ZNF536: variants seen among roughly 807,000 people sequenced by gnomAD.
ZNF536 encodes the protein zinc finger protein 536.
In ZNF536, 13 loss-of-function variants were observed where a neutral mutation model predicts 84.5. The observed-to-expected ratio is 0.15, with a 90% confidence interval of 0.10 to 0.24. ZNF536 has a LOEUF of 0.24. Ranked by LOEUF, ZNF536 falls within the 10% of genes least tolerant of loss-of-function variation. The probability of loss-of-function intolerance (pLI) is 1.00; values close to 1 mark genes in which losing one functional copy is unlikely to be tolerated. For synonymous variants in ZNF536, 811 were observed against 742.5 expected (o/e 1.09, Z -1.50); for missense variants, 1,536 against 1,747.5 (o/e 0.88, Z 2.16).
chr19:30,545,375 T>C (rs1599754792), intron 3 of ZNF536, among the ~76,000 whole-genome samples: 1 of 128,680 alleles, frequency 7.8e-6, no homozygotes, highest in African/African-American at 3.0e-5. Context: ...TACTACCCGC[T>C]CCCATATGTC....
intron 1 of ZNF536, among the ~76,000 whole-genome samples, chr19:30,652,811 TG>T (rs1187669845): frequency 6.6e-6 from 1 of 152,148 alleles, no homozygotes. Flanking sequence ...GACCTTCACC[TG>T]GGGCGTGGGC....
chr19:30,593,909 C>T (rs1042690281), intron 1 of ZNF536, among the ~76,000 whole-genome samples: 1 of 152,154 alleles, frequency 6.6e-6, no homozygotes, highest in African/African-American at 2.4e-5. Context: ...GCCTTGTAGA[C>T]ACTGAGAAGA....
At chr19:30,581,823 A>G (rs1208415595) in intron 1 of ZNF536, among the ~76,000 whole-genome samples, 1 of 151,978 alleles carries the variant, frequency 6.6e-6, no homozygotes, top group African/African-American at 2.4e-5. Context: ...TATCCCAGCT[A>G]CTCGGGAAGC....
At position 30,238,221 on chromosome 19, in the gene ZNF536, G is replaced by A. The variant is rs144557638; in HGVS notation, c.-190+9548G>A. ...GTGGGCTTCAGTCATCTGCAGAGCC[G>A]GGTGAAGAAGTGCCATTCCTCCTTC... On this transcript the variant is annotated intron_variant, in intron 1 of 5. Coordinates refer to the ZNF536 transcript ENST00000585628. Among the ~76,000 whole-genome samples the A allele has an allele frequency of 5.9e-5, 9 of 152,300 alleles. No homozygotes were observed. In the East Asian group the frequency reaches 1.5e-3, roughly 26 times the overall value.
At chr19:30,245,646 G>A (rs561430940) in intron 1 of ZNF536, among the ~76,000 whole-genome samples, 4 of 152,214 alleles carry the variant, frequency 2.6e-5, no homozygotes, top group Non-Finnish European at 5.9e-5. Context: ...TGATGGAAGT[G>A]CAGAAAGAAG....
intron 2 of ZNF536, among the ~76,000 whole-genome samples, chr19:30,331,859 G>A (rs571206291): frequency 2.1e-4 from 32 of 152,050 alleles, no homozygotes; most frequent in Admixed American, 1.0e-3. Flanking sequence ...TTGTCTTCCC[G>A]CTGCCCTTCA....
intron 2 of ZNF536, among the ~76,000 whole-genome samples, chr19:30,341,147 A>T (rs1417923271): frequency 6.6e-6 from 1 of 152,248 alleles, no homozygotes; most frequent in East Asian, 1.9e-4. Flanking sequence ...TTTTTATAAC[A>T]TCGCTTAAGA....
chr19:30,595,699 CTT>C (rs1357063544), intron 1 of ZNF536, among the ~76,000 whole-genome samples: 3 of 152,218 alleles, frequency 2.0e-5, no homozygotes, highest in Admixed American at 6.5e-5. Flanking sequence ...CTCTCTGGCT[CTT>C]TCAAGACCCC....
At chr19:30,333,115 C>T (rs986251421) in intron 2 of ZNF536, among the ~76,000 whole-genome samples, 1 of 152,076 alleles carries the variant, frequency 6.6e-6, no homozygotes, top group Non-Finnish European at 1.5e-5. Context: ...CACGTCACTG[C>T]ACTCCAGCCT....
At chr19:30,708,179 T>G (rs1257190706) in intron 1 of ZNF536, among the ~76,000 whole-genome samples, 1 of 152,108 alleles carries the variant, frequency 6.6e-6, no homozygotes, top group East Asian at 1.9e-4. Context: ...CACGGCCTTT[T>G]TGGGAGGACC....
rs547799276 is a variant in ZNF536 at position 30,430,054 on chromosome 19, G to A, written c.-2-13507G>A. Among the ~76,000 whole-genome samples the A allele has an allele frequency of 1.8e-4, 27 of 151,996 alleles. No individual in the cohort carries two copies. The South Asian group carries it at 3.3e-3, about 19-fold the overall frequency. ...ATGGAGGGTGTGAAGGGTGGGGGAG[G>A]GGATTGGGAGTGGCTGTGTGGAAGA... On this transcript the variant is annotated intron_variant, in intron 1 of 4. Transcript: ENST00000355537.
chr19:30,412,982 TTA>T (rs2147729164), intron 1 of ZNF536, among the ~76,000 whole-genome samples: 1 of 152,252 alleles, frequency 6.6e-6, no homozygotes, highest in African/African-American at 2.4e-5. Flanking sequence ...TTCATTTATT[TTA>T]GTGTAGATTT....
chr19:30,242,242 G>A (rs2023988564), intron 1 of ZNF536, among the ~76,000 whole-genome samples: 1 of 152,132 alleles, frequency 6.6e-6, no homozygotes, highest in South Asian at 2.1e-4. Context: ...GGCCCTCAGA[G>A]AAGTGAGAAG....
chr19:30,666,179 C>T (rs1303814161), intron 1 of ZNF536, among the ~76,000 whole-genome samples: 1 of 152,200 alleles, frequency 6.6e-6, no homozygotes, highest in African/African-American at 2.4e-5. Flanking sequence ...GATCACGGCT[C>T]ACCTGGTCTC....
At chr19:30,687,829 C>T (rs1156722226) in intron 1 of ZNF536, among the ~76,000 whole-genome samples, 1 of 147,102 alleles carries the variant, frequency 6.8e-6, no homozygotes, top group Non-Finnish European at 1.5e-5. Flanking sequence ...TCATTCTGAC[C>T]TTTGGATTTT....
chr19:30,557,271 C>T lies in ZNF536; in HGVS notation c.*107C>T. 7.8e-7 allele frequency: 1 copy of T among 1,276,608 alleles called. No individual in the cohort carries two copies. The allele number at this position is 1,276,608 out of a possible 1,614,324, so 79.1% of individuals were successfully genotyped here. A position where few individuals can be genotyped will look rare whatever the true frequency, so the allele number is the denominator to read the frequency against. On this transcript the variant is annotated 3_prime_UTR_variant, in exon 5 of 5. Transcript: ENST00000355537. Reference sequence around the variant, plus strand: ...TGTAAAGTCAAGAGAAGAATGTATACACATATGTGTGTTGAATAATTACTA... The same window carrying T: ...TGTAAAGTCAAGAGAAGAATGTATATACATATGTGTGTTGAATAATTACTA...
chr19:30,706,137 T>C (rs1429120734), intron 1 of ZNF536, among the ~76,000 whole-genome samples: 7 of 152,210 alleles, frequency 4.6e-5, no homozygotes, highest in Non-Finnish European at 1.0e-4. Flanking sequence ...GGCTTCCATG[T>C]AGCATAGGAT....
intron 1 of ZNF536, among the ~76,000 whole-genome samples, chr19:30,280,859 G>A (rs530217377): frequency 2.0e-5 from 3 of 152,212 alleles, no homozygotes; most frequent in Non-Finnish European, 4.4e-5. Context: ...CTCATCCCCT[G>A]TGGGGAGCCC....
rs115817234 is a variant in ZNF536, at chr19:30,460,478, C to T, written c.2170+14746C>T. ...GTGGTTTGGAGTCTGCACATGGTGA[C>T]GAGGTTCTGTCCTCTCATTCTCCCA... On this transcript the variant is annotated intron_variant, in intron 2 of 4. Coordinates refer to ENST00000355537, the MANE Select transcript of ZNF536 (RefSeq NM_014717.3). 5.5e-3 allele frequency among the ~76,000 whole-genome samples: 838 copies of T among 152,222 alleles called. 11 individuals carry two copies. The highest frequency in any genetic ancestry group is 0.019 in the African/African-American group (809 of 41,526).
Sources: gnomAD v4.1 joint callset for allele counts (sites outside exome capture counted in the v4.1 genomes callset) on GRCh38, gnomAD v4.1.1 for gene constraint, MANE v1.5 for transcripts, NCBI Gene and HGNC (gene_info 2026-07-23, HGNC 2026-07-21) for gene names.